The following PLA2R1 variants were observed in gnomAD, a reference collection of about 807,000 sequenced individuals.
The protein encoded by PLA2R1 is phospholipase A2 receptor 1, also known as secretory phospholipase A2 receptor.
Under a neutral mutation model 195.9 loss-of-function variants are expected in PLA2R1, and 158 were observed. That is an observed-to-expected ratio of 0.81 (90% confidence interval 0.71 to 0.92). PLA2R1 has a LOEUF of 0.92. PLA2R1 is among the 40% of genes least tolerant of loss of function. The pLI, the probability that PLA2R1 is intolerant of heterozygous loss-of-function variation, is 0.00. For missense variants in PLA2R1, 1,626 were observed against 1,764.6 expected, an observed-to-expected ratio of 0.92 and a Z score of 1.41; for synonymous variants, 586 against 598.2, an observed-to-expected ratio of 0.98 and a Z score of 0.30.
chr2:159,958,277 T>C lies in PLA2R1; in HGVS notation c.2905-1650A>G, dbSNP rs139272336. Among the ~76,000 whole-genome samples, 170 of 152,166 alleles carry C rather than the reference T, an allele frequency of 1.1e-3. No individual in the cohort carries two copies. The Middle Eastern group carries it at 0.051, about 46-fold the overall frequency. On this transcript the variant is annotated intron_variant, in intron 20 of 29. Transcript: ENST00000283243. ...CACCTCACCCTCTTGTGCTTGCTCTTGCCATGTGACATGCTGGTTCCCTGT... is the reference window on the plus strand; with the variant it reads ...CACCTCACCCTCTTGTGCTTGCTCTCGCCATGTGACATGCTGGTTCCCTGT...
In PLA2R1 at chr2:160,045,005, C is replaced by T. The variant is rs140848086; in HGVS notation, c.262G>A (p.Gly88Ser). 3.3e-4 allele frequency: 526 copies of T among 1,614,102 alleles called. 1 individual carries two copies. The African/African-American group carries it at 6.2e-3, about 19-fold the overall frequency. Reference protein sequence around the residue: ...NHGLFNIGGSGCLGLNFSAPE... With the variant: ...NHGLFNIGGSSCLGLNFSAPE... ...GCGGAGAAATTCAGGCCCAGGCAAC[C>T]ACTGCCTCCTATGTTAAAGAGGCCA... Residue 88 changes from glycine (G) to serine (S), a missense_variant, in exon 2 of 30, where the codon GGT becomes AGT. Gly to Ser is a moderately conservative substitution (Grantham distance 56). Coordinates refer to ENST00000283243, the MANE Select transcript of PLA2R1 (RefSeq NM_007366.5).
intron 12 of PLA2R1, among the ~76,000 whole-genome samples, chr2:159,984,281 T>A (rs1367139336): frequency 2.0e-5 from 3 of 152,206 alleles, no homozygotes; most frequent in African/African-American, 7.2e-5. Flanking sequence ...AACAAATTTC[T>A]GAGGAGAATA....
At chr2:159,958,508 C>T (rs1194527201) in intron 20 of PLA2R1, among the ~76,000 whole-genome samples, 3 of 152,048 alleles carry the variant, frequency 2.0e-5, no homozygotes, top group Admixed American at 6.6e-5. Flanking sequence ...CCAAATTTTT[C>T]AGTTCTCCAC....
intron 12 of PLA2R1, 55 bp downstream of exon 12, chr2:159,987,101 T>G: frequency 3.7e-6 from 5 of 1,364,150 alleles, no homozygotes; most frequent in Non-Finnish European, 5.2e-6. Context: ...GATACATGGA[T>G]CAAATTAAAA....
intron 12 of PLA2R1, among the ~76,000 whole-genome samples, chr2:159,984,618 A>T (rs1431759621): frequency 6.6e-6 from 1 of 152,178 alleles, no homozygotes; most frequent in Non-Finnish European, 1.5e-5. Flanking sequence ...CTCTATTTCT[A>T]GAGTCTTTGG....
At chr2:160,050,172 A>G (rs1695129403) in intron 1 of PLA2R1, among the ~76,000 whole-genome samples, 1 of 152,238 alleles carries the variant, frequency 6.6e-6, no homozygotes, top group East Asian at 1.9e-4. Flanking sequence ...AACAAATAAG[A>G]GAAAGAAAAT....
chr2:160,020,096 A>G lies in PLA2R1; in HGVS notation c.1452+10T>C. Reference sequence around the variant, plus strand: ...AGCAAAGTGAGCACTGAACAAATGAATCAACTTACAGACTGCTCTGCTGAG... The same window carrying G: ...AGCAAAGTGAGCACTGAACAAATGAGTCAACTTACAGACTGCTCTGCTGAG... On this transcript the variant is annotated intron_variant, in intron 8 of 29. Coordinates refer to ENST00000283243, the MANE Select transcript of PLA2R1 (RefSeq NM_007366.5). The G allele has an allele frequency of 6.2e-7, 1 of 1,607,364 alleles. No individual in the cohort carries two copies. Among genetic ancestry groups the G allele is most frequent in the Non-Finnish European group, 8.5e-7 (1 of 1,176,514 alleles).
Position 159,940,522 on chromosome 2 carries a change from T to C in PLA2R1, c.*1256A>G, listed in dbSNP as rs1687037674. ...GATCCTCTTCCCTCAGCCTCCTAAGTAGCTGGGACTACAGGTGCGTGCCAC... is the reference window on the plus strand; with the variant it reads ...GATCCTCTTCCCTCAGCCTCCTAAGCAGCTGGGACTACAGGTGCGTGCCAC... On this transcript the variant is annotated 3_prime_UTR_variant, in exon 30 of 30. Coordinates refer to ENST00000283243, the MANE Select transcript of PLA2R1 (RefSeq NM_007366.5). 6.6e-6 allele frequency: 1 copy of C among 152,216 alleles called. No individual in the cohort carries two copies. The highest frequency in any genetic ancestry group is 2.1e-4 in the South Asian group (1 of 4,830). The allele number at this position is 152,216 out of a possible 1,614,324, so 9.4% of individuals were successfully genotyped here.
Position 160,032,975 on chromosome 2 carries a change from T to C in PLA2R1, c.825A>G (p.Glu275=). Residue 275 remains glutamate, a synonymous_variant, in exon 4 of 30, where the codon GAA becomes GAG. Transcript: ENST00000283243. ...CCTACTTACCCCTTATGAAATTTTC[T>C]TCAGTTTCATCTGTAATACTTAACA... is the stretch of plus-strand genomic sequence containing the variant. ...GTLLSITDET[E]ENFIREHMSS... The C allele has an allele frequency of 6.2e-7, 1 of 1,611,430 alleles. No individual in the cohort carries two copies. Among genetic ancestry groups the C allele is most frequent in the Non-Finnish European group, 8.5e-7 (1 of 1,178,404 alleles).
chr2:159,976,114 A>G lies in PLA2R1; in HGVS notation c.2549T>C (p.Ile850Thr). Residue 850 changes from isoleucine to threonine, a missense_variant, in exon 17 of 30, where the codon ATT becomes ACT. Transcript: ENST00000283243. ...GAATTCTTGCTCATGTGCAGAATGA[A>G]TTGTGAGAAGATCACTGTGCAGCCA... Reference protein sequence around the residue: ...CSWLHSDLLTIHSAHEQEFIH... With the variant: ...CSWLHSDLLTTHSAHEQEFIH... The G allele has an allele frequency of 6.2e-7, 1 of 1,613,314 alleles. No individual in the cohort carries two copies. The highest frequency in any genetic ancestry group is 8.5e-7 in the Non-Finnish European group (1 of 1,179,414).
intron 23 of PLA2R1, among the ~76,000 whole-genome samples, chr2:159,952,885 G>C (rs1412217552): frequency 6.6e-6 from 1 of 152,080 alleles, no homozygotes; most frequent in Non-Finnish European, 1.5e-5. Context: ...TGTACATATG[G>C]AAAAACCAAA....
In PLA2R1 at chr2:159,941,341, A is replaced by G. The variant is rs1170412401; in HGVS notation, c.*437T>C. ...TCAGAAGCCCTTTCCTTTTCCTCTCATATACAAGATTAATTTTTTTTTGCT... is the reference window on the plus strand; with the variant it reads ...TCAGAAGCCCTTTCCTTTTCCTCTCGTATACAAGATTAATTTTTTTTTGCT... On this transcript the variant is annotated 3_prime_UTR_variant, in exon 30 of 30. Transcript: ENST00000283243. 1.3e-5 allele frequency: 2 copies of G among 153,390 alleles called. No homozygotes were observed. The highest frequency in any genetic ancestry group is 1.3e-4 in the Admixed American group (2 of 15,426). The allele number at this position is 153,390 out of a possible 1,614,324, so 9.5% of individuals were successfully genotyped here. A position where few individuals can be genotyped will look rare whatever the true frequency, so the allele number is the denominator to read the frequency against.
At chr2:159,979,302 G>T (rs1028060589) in intron 14 of PLA2R1, among the ~76,000 whole-genome samples, 1 of 152,086 alleles carries the variant, frequency 6.6e-6, no homozygotes, top group African/African-American at 2.4e-5. Flanking sequence ...ATAGAGGTTT[G>T]CAAGTATGGG....
At chr2:160,037,884 T>C (rs542793398) in intron 3 of PLA2R1, among the ~76,000 whole-genome samples, 1 of 152,362 alleles carries the variant, frequency 6.6e-6, no homozygotes, top group South Asian at 2.1e-4. Context: ...CAAACTGTAA[T>C]TATGTATTAA....
intron 16 of PLA2R1, among the ~76,000 whole-genome samples, 171 bp downstream of exon 16, chr2:159,976,514 A>G (rs1689568016): frequency 6.6e-6 from 1 of 152,232 alleles, no homozygotes; most frequent in East Asian, 1.9e-4. Context: ...CCTTAATCAT[A>G]TTAAATGACT....
intron 2 of PLA2R1, among the ~76,000 whole-genome samples, chr2:160,043,308 G>A (rs1379563024): frequency 6.6e-6 from 1 of 152,140 alleles, no homozygotes; most frequent in Non-Finnish European, 1.5e-5. Flanking sequence ...CGAGACAGCT[G>A]GCTGGGTGGC....
intron 11 of PLA2R1, among the ~76,000 whole-genome samples, chr2:159,998,557 C>T (rs376407839): frequency 5.3e-5 from 8 of 152,202 alleles, no homozygotes; most frequent in East Asian, 3.9e-4. Context: ...TAATATTTTT[C>T]GATCCAAAAC....
At chr2:160,013,427 C>T (rs1418825443) in intron 9 of PLA2R1, 52 bp from the exon 10 acceptor site, 3 of 1,064,944 alleles carry the variant, frequency 2.8e-6, no homozygotes, top group South Asian at 2.7e-5. Context: ...TAGTTAAATA[C>T]CAAGAGATAT....
chr2:160,004,219 G>A (rs569808281), intron 11 of PLA2R1, among the ~76,000 whole-genome samples: 2 of 152,350 alleles, frequency 1.3e-5, no homozygotes, highest in African/African-American at 4.8e-5. Context: ...AAAATTTGGA[G>A]TAAAAATACC....
Sources: gnomAD v4.1 joint callset for allele counts (sites outside exome capture counted in the v4.1 genomes callset) on GRCh38, gnomAD v4.1.1 for gene constraint, MANE v1.5 for transcripts, NCBI Gene and HGNC (gene_info 2026-07-23, HGNC 2026-07-21) for gene names.